FRMPD4: variants seen among roughly 807,000 people sequenced by gnomAD.
The protein encoded by FRMPD4 is FERM and PDZ domain-containing protein 4.
FRMPD4 carries 22 observed loss-of-function variants against 94.1 expected under a neutral mutation model. That is an observed-to-expected ratio of 0.23 (90% CI 0.17 to 0.33). FRMPD4 has a LOEUF of 0.33. FRMPD4 is among the 10% of genes least tolerant of loss of function. The probability of loss-of-function intolerance (pLI) is 1.00; values close to 1 mark genes in which losing one functional copy is unlikely to be tolerated. For missense variants in FRMPD4, 1,111 were observed against 1,339.9 expected (o/e 0.83, Z 2.67); for synonymous variants, 631 against 548.6 (o/e 1.15, Z -2.10).
chrX:12,519,213 C>T (rs1451307440), intron 2 of FRMPD4, among the ~76,000 whole-genome samples: 1 of 112,273 alleles, frequency 8.9e-6, no homozygotes, highest in African/African-American at 3.2e-5. Flanking sequence ...TTTTGTATGA[C>T]AGCTCAAGGA....
intron 1 of FRMPD4, among the ~76,000 whole-genome samples, chrX:12,372,061 C>T (rs1036159607): frequency 8.9e-6 from 1 of 112,305 alleles, no homozygotes; most frequent in Admixed American, 9.4e-5. Flanking sequence ...ATGGTAGCTT[C>T]TGATAAGCAC....
At chrX:12,436,627 ATTATT>A (rs756147157) in intron 1 of FRMPD4, among the ~76,000 whole-genome samples, 1 of 111,775 alleles carries the variant, frequency 8.9e-6, no homozygotes, top group Admixed American at 9.5e-5. Flanking sequence ...TAATAAAAAT[ATTATT>A]TTATAGTATT....
chrX:11,828,146 G>A (rs1160595310), intron 1 of FRMPD4, among the ~76,000 whole-genome samples: 1 of 112,168 alleles, frequency 8.9e-6, no homozygotes, highest in Non-Finnish European at 1.9e-5. Context: ...ACCTAAAATT[G>A]TCCAGGAGTA....
At chrX:12,643,124 G>A (rs1187802647) in intron 4 of FRMPD4, among the ~76,000 whole-genome samples, 1 of 104,593 alleles carries the variant, frequency 9.6e-6, no homozygotes, top group Admixed American at 1.1e-4. Context: ...GTTTTAGGAA[G>A]TAGATTCAAA....
chrX:12,696,224 G>A (rs1217547158), intron 9 of FRMPD4, among the ~76,000 whole-genome samples: 2 of 111,771 alleles, frequency 1.8e-5, no homozygotes, highest in African/African-American at 3.3e-5. Context: ...TCATTTTACT[G>A]AATTGTTAAT....
At chrX:12,030,548 C>T (rs1401676490) in intron 3 of FRMPD4, among the ~76,000 whole-genome samples, 2 of 111,796 alleles carry the variant, frequency 1.8e-5, no homozygotes, top group African/African-American at 6.5e-5. Context: ...ACAACAAAAA[C>T]AATATATTCT....
intron 1 of FRMPD4, among the ~76,000 whole-genome samples, chrX:12,399,092 T>C (rs2056579418): frequency 9.0e-6 from 1 of 111,622 alleles, no homozygotes; most frequent in South Asian, 3.9e-4. Flanking sequence ...CCTGGCTAAC[T>C]GGTTTGCAGC....
At chrX:12,141,714 G>A (rs961120282) in intron 1 of FRMPD4, among the ~76,000 whole-genome samples, 4 of 111,232 alleles carry the variant, frequency 3.6e-5, no homozygotes, top group Middle Eastern at 8.5e-3. Flanking sequence ...ATCTGAAGAT[G>A]GTTTTTCCCG....
intron 14 of FRMPD4, among the ~76,000 whole-genome samples, chrX:12,713,955 G>A (rs1000473665): frequency 3.6e-5 from 4 of 111,462 alleles, no homozygotes; most frequent in Admixed American, 9.5e-5. Context: ...CAAAATCCCT[G>A]GCCCCACATA....
At chrX:12,052,391 T>G (rs926320022) in intron 3 of FRMPD4, among the ~76,000 whole-genome samples, 3 of 112,436 alleles carry the variant, frequency 2.7e-5, no homozygotes, top group Non-Finnish European at 5.6e-5. Flanking sequence ...GTTGTAGTTT[T>G]GATCTCACTC....
intron 1 of FRMPD4, among the ~76,000 whole-genome samples, chrX:12,453,688 C>A (rs1033131779): frequency 1.9e-4 from 21 of 111,232 alleles, no homozygotes; most frequent in African/African-American, 6.9e-4. Flanking sequence ...ATAACCATCA[C>A]GTATTAAGCC....
At chrX:12,432,851 T>C (rs761009932) in intron 1 of FRMPD4, among the ~76,000 whole-genome samples, 7 of 112,433 alleles carry the variant, frequency 6.2e-5, no homozygotes, top group African/African-American at 2.3e-4. Context: ...TCCTCCAGCC[T>C]TGGCCTCCCA....
intron 2 of FRMPD4, among the ~76,000 whole-genome samples, chrX:12,585,494 C>G (rs2058919044): frequency 8.9e-6 from 1 of 112,234 alleles, no homozygotes; most frequent in African/African-American, 3.2e-5. Flanking sequence ...GCTGAGATTA[C>G]AGGTATGAGC....
At chrX:12,460,011 CA>C (rs1228373973) in intron 1 of FRMPD4, among the ~76,000 whole-genome samples, 1 of 111,866 alleles carries the variant, frequency 8.9e-6, no homozygotes, top group Non-Finnish European at 1.9e-5. Context: ...AATGAGACCT[CA>C]TTGTGGTTTC....
intron 1 of FRMPD4, among the ~76,000 whole-genome samples, chrX:12,310,916 A>C (rs952925995): frequency 8.9e-6 from 1 of 112,378 alleles, no homozygotes; most frequent in Non-Finnish European, 1.9e-5. Context: ...AAACAGCATA[A>C]AGTTGGAATT....
chrX:12,198,839 GA>G (rs2056596033), intron 1 of FRMPD4, among the ~76,000 whole-genome samples: 1 of 112,067 alleles, frequency 8.9e-6, no homozygotes, highest in Non-Finnish European at 1.9e-5. Flanking sequence ...GAAATATTTT[GA>G]TAGAAAAAGA....
intron 3 of FRMPD4, among the ~76,000 whole-genome samples, chrX:11,958,006 T>G (rs1022584645): frequency 8.9e-6 from 1 of 112,288 alleles, no homozygotes; most frequent in Non-Finnish European, 1.9e-5. Flanking sequence ...AGGAAGTATC[T>G]TTTATTATTT....
intron 3 of FRMPD4, among the ~76,000 whole-genome samples, chrX:11,932,995 C>T (rs1195946917): frequency 1.8e-5 from 2 of 112,158 alleles, no homozygotes; most frequent in East Asian, 5.6e-4. Flanking sequence ...TTCTCACTGT[C>T]AGCCCTACAG....
At chrX:11,870,714 C>T (rs1387808350) in intron 2 of FRMPD4, among the ~76,000 whole-genome samples, 1 of 111,515 alleles carries the variant, frequency 9.0e-6, no homozygotes, top group African/African-American at 3.3e-5. Context: ...CTTTGCAAAT[C>T]ATCCATCACT....
Sources: gnomAD v4.1 joint callset for allele counts (sites outside exome capture counted in the v4.1 genomes callset) on GRCh38, gnomAD v4.1.1 for gene constraint, MANE v1.5 for transcripts, NCBI Gene and HGNC (gene_info 2026-07-23, HGNC 2026-07-21) for gene names.